The following SYTL5 variants were observed in gnomAD, a reference collection of about 807,000 sequenced individuals.
SYTL5 encodes synaptotagmin like 5.
Under a neutral mutation model 55.9 loss-of-function variants are expected in SYTL5, and 34 were observed. That is an observed-to-expected ratio of 0.61 (90% CI 0.46 to 0.81). The LOEUF is 0.81. Ranked by LOEUF, SYTL5 falls within the 30% of genes least tolerant of loss-of-function variation. The pLI, the probability that SYTL5 is intolerant of heterozygous loss-of-function variation, is 0.00. For synonymous variants in SYTL5, 221 were observed against 188.7 expected (o/e 1.17, Z -1.40); for missense variants, 637 against 546.7 (o/e 1.17, Z -1.65).
At chrX:37,896,233 T>A in the SYTL5 span, among the ~76,000 whole-genome samples, 1 of 112,268 alleles carries the variant, frequency 8.9e-6, no homozygotes, top group South Asian at 3.7e-4. Flanking sequence ...TCTCAACCAG[T>A]GTTATTCTTG....
chrX:37,916,437 C>T, the SYTL5 span, among the ~76,000 whole-genome samples: 4 of 112,493 alleles, frequency 3.6e-5, no homozygotes, highest in African/African-American at 1.3e-4. Flanking sequence ...TAGTACTGTA[C>T]ACTTATTATG....
the SYTL5 span, among the ~76,000 whole-genome samples, chrX:37,979,796 T>A: frequency 9.3e-6 from 1 of 107,497 alleles, no homozygotes; most frequent in African/African-American, 3.4e-5. Flanking sequence ...TTTCTTTTTT[T>A]AAATTTTCTT....
the SYTL5 span, among the ~76,000 whole-genome samples, chrX:37,939,913 C>G: frequency 9.0e-6 from 1 of 111,628 alleles, no homozygotes; most frequent in Non-Finnish European, 1.9e-5. Context: ...TCGCTGCAAA[C>G]TCTGCCTGCC....
intron 1 of SYTL5, among the ~76,000 whole-genome samples, chrX:38,031,260 G>A (rs903820484): frequency 8.9e-6 from 1 of 111,918 alleles, no homozygotes; most frequent in African/African-American, 3.2e-5. Context: ...CACCAGTTAC[G>A]ATAATATTAG....
rs376417484 is a variant in SYTL5 at position 38,110,415 on chromosome X, T to C, written c.1529T>C (p.Val510Ala). The C allele has an allele frequency of 8.3e-6, 10 of 1,207,164 alleles. No individual in the cohort carries two copies. The highest frequency in any genetic ancestry group is 1.0e-5 in the Non-Finnish European group (9 of 893,514). Residue 510 changes from valine (V) to alanine (A), a missense_variant, in exon 13 of 17, where the codon GTA becomes GCA. Transcript: ENST00000297875. ...GGACGTAATAGCTTCCTCGGGGAAG[T>C]AGAGATTCCTTTTGACTCATGGAAC... The part of the protein sequence containing the change: ...RFGRNSFLGE[V>A]EIPFDSWNFE...
At chrX:38,055,638 T>C (rs1254963053) in intron 3 of SYTL5, among the ~76,000 whole-genome samples, 1 of 111,818 alleles carries the variant, frequency 8.9e-6, no homozygotes, top group Non-Finnish European at 1.9e-5. Context: ...GAAAAGTAAA[T>C]AGTGAGATAG....
the SYTL5 span, among the ~76,000 whole-genome samples, chrX:37,938,800 T>C: frequency 1.5e-4 from 17 of 111,832 alleles, no homozygotes; most frequent in South Asian, 1.5e-3. Context: ...TTTTCAAAGG[T>C]TAGATATGAT....
At chrX:38,072,863 G>A (rs143912853) in intron 4 of SYTL5, among the ~76,000 whole-genome samples, 1 of 112,095 alleles carries the variant, frequency 8.9e-6, no homozygotes, top group Non-Finnish European at 1.9e-5. Context: ...CATGTTTCTC[G>A]TATATGGTGT....
chrX:37,935,083 G>A, the SYTL5 span, among the ~76,000 whole-genome samples: 248 of 112,272 alleles, frequency 2.2e-3, 1 homozygote, highest in African/African-American at 7.6e-3. Context: ...ATCATGAAGA[G>A]AAACCTTTGA....
At chrX:37,991,420 C>G in the SYTL5 span, 1 of 547,911 alleles carries the variant, frequency 1.8e-6, no homozygotes. Flanking sequence ...AAGGGGTGGC[C>G]AGTGTGGTGT....
intron 2 of SYTL5, among the ~76,000 whole-genome samples, chrX:38,046,628 T>C (rs60656868): frequency 0.29 from 31,898 of 110,589 alleles, 6,337 homozygotes; most frequent in African/African-American, 0.71. Context: ...CCTCTTGCCC[T>C]TCCCAAATCT....
the SYTL5 span, among the ~76,000 whole-genome samples, chrX:37,974,449 G>A: frequency 5.4e-5 from 6 of 111,987 alleles, no homozygotes; most frequent in African/African-American, 1.6e-4. Context: ...GGAAATGATT[G>A]TTTGGGTAGT....
At chrX:37,911,138 T>A in the SYTL5 span, among the ~76,000 whole-genome samples, 18 of 108,593 alleles carry the variant, frequency 1.7e-4, no homozygotes, top group Admixed American at 1.6e-3. Context: ...GCTAATTTTT[T>A]AAAAAATATT....
intron 6 of SYTL5, among the ~76,000 whole-genome samples, chrX:38,083,774 ATGTG>A (rs3068306): frequency 0.33 from 30,729 of 93,849 alleles, 4,255 homozygotes; most frequent in East Asian, 0.8. Context: ...AAATAGACTC[ATGTG>A]TGTGTGTGTG....
chrX:38,043,394 C>CAT (rs1256523681), intron 2 of SYTL5, among the ~76,000 whole-genome samples: 3 of 100,150 alleles, frequency 3.0e-5, no homozygotes, highest in African/African-American at 7.4e-5. Flanking sequence ...TATATATACA[C>CAT]ATATATATAT....
chrX:37,970,614 C>T, the SYTL5 span, among the ~76,000 whole-genome samples: 4 of 111,481 alleles, frequency 3.6e-5, no homozygotes, highest in East Asian at 5.6e-4. Context: ...TATCCTGTTA[C>T]GTTTACCTGA....
At chrX:37,998,460 T>C in the SYTL5 span, among the ~76,000 whole-genome samples, 2 of 111,927 alleles carry the variant, frequency 1.8e-5, no homozygotes, top group Non-Finnish European at 3.8e-5. Context: ...AAGCTGCTTG[T>C]CGTGCGCCTG....
the SYTL5 span, among the ~76,000 whole-genome samples, chrX:37,923,764 A>G: frequency 1.8e-5 from 2 of 111,125 alleles, no homozygotes; most frequent in Non-Finnish European, 3.8e-5. Flanking sequence ...TTTCACCTGC[A>G]AATCCTGTTT....
At chrX:38,030,087 C>T (rs1205272826) in intron 1 of SYTL5, among the ~76,000 whole-genome samples, 1 of 111,281 alleles carries the variant, frequency 9.0e-6, no homozygotes, top group East Asian at 2.8e-4. Flanking sequence ...TATCTCTCAG[C>T]GGTGGGTGGG....
Sources: allele counts gnomAD v4.1 joint callset (sites outside exome capture counted in the v4.1 genomes callset), GRCh38; gene constraint gnomAD v4.1.1; transcripts MANE v1.5; gene names NCBI Gene and HGNC (gene_info 2026-07-23, HGNC 2026-07-21).